Variants in DIP2C observed in about 807,000 individuals in gnomAD.
The protein encoded by DIP2C is DIP2 acetate--CoA ligase C (putative).
Under a neutral mutation model 192.4 loss-of-function variants are expected in DIP2C, and 33 were observed. That is an observed-to-expected ratio of 0.17 (90% confidence interval 0.13 to 0.23). The LOEUF (loss-of-function observed/expected upper bound fraction) is 0.23. DIP2C is among the 10% of genes least tolerant of loss of function. The probability of loss-of-function intolerance (pLI) is 1.00; values close to 1 mark genes in which losing one functional copy is unlikely to be tolerated. For synonymous variants in DIP2C, 979 were observed against 864.1 expected (o/e 1.13, Z -2.33); for missense variants, 1,537 against 2,110.1 (o/e 0.73, Z 5.32).
At chr10:408,633 T>TA (rs1362923385) in intron 9 of DIP2C, among the ~76,000 whole-genome samples, 2 of 152,010 alleles carry the variant, frequency 1.3e-5, no homozygotes, top group East Asian at 1.9e-4. Context: ...AGCACATAGG[T>TA]AAAAAGGCTC....
chr10:504,287 G>A (rs910989102), intron 1 of DIP2C, among the ~76,000 whole-genome samples: 9 of 152,226 alleles, frequency 5.9e-5, no homozygotes, highest in East Asian at 1.9e-4. Context: ...GGCACGCAAG[G>A]GAAACAGCCG....
intron 1 of DIP2C, among the ~76,000 whole-genome samples, chr10:626,301 A>G (rs932814569): frequency 6.6e-6 from 1 of 152,142 alleles, no homozygotes; most frequent in African/African-American, 2.4e-5. Flanking sequence ...ATACTGGGCC[A>G]ATCCCAGCTG....
intron 1 of DIP2C, among the ~76,000 whole-genome samples, chr10:536,332 A>G (rs372969126): frequency 3.9e-5 from 6 of 152,172 alleles, no homozygotes; most frequent in African/African-American, 1.4e-4. Context: ...TCCTGAGAGC[A>G]TGGTATCTAT....
At chr10:386,563 T>C (rs148529120) in intron 14 of DIP2C, among the ~76,000 whole-genome samples, 13 of 152,036 alleles carry the variant, frequency 8.6e-5, no homozygotes, top group African/African-American at 2.9e-4. Context: ...CTCCATCTTA[T>C]CCCCCAACAG....
intron 2 of DIP2C, among the ~76,000 whole-genome samples, chr10:482,308 C>T (rs1843669329): frequency 6.6e-6 from 1 of 152,146 alleles, no homozygotes; most frequent in Non-Finnish European, 1.5e-5. Flanking sequence ...AGGCCAGAGG[C>T]CTCCGGTGCA....
At chr10:615,534 G>A (rs1317556053) in intron 1 of DIP2C, among the ~76,000 whole-genome samples, 1 of 152,032 alleles carries the variant, frequency 6.6e-6, no homozygotes, top group African/African-American at 2.4e-5. Context: ...AACTCTCAGG[G>A]TTAGGGTCAG....
chr10:578,916 T>C (rs1436494188), intron 1 of DIP2C, among the ~76,000 whole-genome samples: 3 of 152,052 alleles, frequency 2.0e-5, no homozygotes, highest in African/African-American at 4.8e-5. Flanking sequence ...CCACAGTGTG[T>C]GCACATAGGC....
intron 32 of DIP2C, among the ~76,000 whole-genome samples, chr10:291,932 G>A (rs549670880): frequency 6.6e-6 from 1 of 150,710 alleles, no homozygotes; most frequent in Non-Finnish European, 1.5e-5. Flanking sequence ...AGGACTCCAT[G>A]GGGGAGGGAG....
At chr10:521,370 C>T (rs1186920086) in intron 1 of DIP2C, among the ~76,000 whole-genome samples, 1 of 152,180 alleles carries the variant, frequency 6.6e-6, no homozygotes, top group Non-Finnish European at 1.5e-5. Context: ...CTCCCCAAGT[C>T]TAAGAGAAGG....
chr10:409,130 G>A (rs1446786313), intron 8 of DIP2C, 113 bp from the exon 9 acceptor site: 3 of 1,025,546 alleles, frequency 2.9e-6, no homozygotes, highest in Non-Finnish European at 4.2e-6. Flanking sequence ...ATCATGGTCT[G>A]CAAGCGACTT....
chr10:488,363 G>A (rs559731280), intron 1 of DIP2C, among the ~76,000 whole-genome samples: 9 of 152,286 alleles, frequency 5.9e-5, no homozygotes, highest in African/African-American at 1.9e-4. Flanking sequence ...AGGGTTTGCT[G>A]GCCCATCCCC....
Position 378,478 on chromosome 10 carries a change from T to C in DIP2C, c.1991+4169A>G, listed in dbSNP as rs567908061. ...ACACAAACATGCCTAGACAAAGACA[T>C]GCATACATGTGAACACAGACATGCA... On this transcript the variant is annotated intron_variant, in intron 17 of 36. Transcript: ENST00000280886. 5.5e-3 allele frequency among the ~76,000 whole-genome samples: 837 copies of C among 151,902 alleles called. 4 individuals carry two copies. Among genetic ancestry groups the C allele is most frequent in the Middle Eastern group, 0.014 (4 of 292 alleles).
intron 1 of DIP2C, among the ~76,000 whole-genome samples, chr10:512,771 A>T (rs937939354): frequency 2.4e-4 from 37 of 151,994 alleles, no homozygotes; most frequent in South Asian, 2.1e-4. Flanking sequence ...AAAATTAGCC[A>T]GGCATGATGG....
intron 1 of DIP2C, chr10:650,454 G>A (rs560661756): frequency 1.1e-5 from 8 of 708,004 alleles, no homozygotes; most frequent in South Asian, 4.4e-5. Flanking sequence ...TAGGTGACCC[G>A]GTTATCGTTC....
At chr10:282,496 T>C (rs974303927) in intron 35 of DIP2C, among the ~76,000 whole-genome samples, 2 of 152,240 alleles carry the variant, frequency 1.3e-5, no homozygotes, top group African/African-American at 4.8e-5. Context: ...CTCATCTCCC[T>C]GAGGTTTTGG....
intron 1 of DIP2C, among the ~76,000 whole-genome samples, chr10:544,375 C>T (rs1392055283): frequency 2.6e-5 from 4 of 152,188 alleles, no homozygotes; most frequent in African/African-American, 4.8e-5. Context: ...CTCACTGTTA[C>T]GAATAATGCT....
chr10:598,995 G>A (rs999706248), intron 1 of DIP2C, among the ~76,000 whole-genome samples: 17 of 151,966 alleles, frequency 1.1e-4, no homozygotes, highest in Non-Finnish European at 2.4e-4. Flanking sequence ...CACGGCCCCC[G>A]GGCCCACCTC....
intron 8 of DIP2C, among the ~76,000 whole-genome samples, chr10:411,523 A>T (rs1965185126): frequency 6.6e-6 from 1 of 152,160 alleles, no homozygotes; most frequent in East Asian, 1.9e-4. Flanking sequence ...TAGGAAGCTA[A>T]ATTTGGGGGT....
chr10:531,802 G>A (rs1179392374), intron 1 of DIP2C, among the ~76,000 whole-genome samples: 7 of 152,206 alleles, frequency 4.6e-5, no homozygotes, highest in South Asian at 2.1e-4. Flanking sequence ...ACGGGTGCCC[G>A]TGTCAAGAAC....
Sources: allele counts gnomAD v4.1 joint callset (sites outside exome capture counted in the v4.1 genomes callset), GRCh38; gene constraint gnomAD v4.1.1; transcripts MANE v1.5; gene names NCBI Gene and HGNC (gene_info 2026-07-23, HGNC 2026-07-21).